Variants in ABCB10 observed in about 807,000 individuals in gnomAD.
ABCB10 encodes the protein ATP binding cassette subfamily B member 10.
A neutral mutation model predicts 65.4 loss-of-function variants in ABCB10; 54 were observed. The observed-to-expected ratio is 0.83, with a 90% CI of 0.66 to 1.04. The LOEUF is 1.04. Among genes scored for constraint, ABCB10 ranks in the 50% least tolerant of loss-of-function variants. ABCB10 has a pLI of 0.00. For synonymous variants in ABCB10, 418 were observed against 406.5 expected, an observed-to-expected ratio of 1.03 and a Z score of -0.34; for missense variants, 846 against 976.6, an observed-to-expected ratio of 0.87 and a Z score of 1.78.
At chr1:229,547,405 C>G in intron 3 of ABCB10, 94 bp downstream of exon 3, 1 of 1,441,924 alleles carries the variant, frequency 6.9e-7, no homozygotes. Context: ...CAGAATGATG[C>G]GAACCGCTCA....
Position 229,542,365 on chromosome 1 carries a change from C to G in ABCB10, c.928G>C (p.Val310Leu). Residue 310 changes from valine to leucine, a missense_variant, in exon 4 of 13, where the codon GTC becomes CTC. Physicochemically the swap from Val to Leu is conservative, Grantham distance 32. This residue lies in a region of ABCB10 where 632 missense variants were observed against 803.2 expected (regional missense o/e 0.79). Transcript: ENST00000344517. ...ASVGISMMFF[V>L]SPNLATFVLS... ...ACAAAGGTGGCCAGATTAGGTGAGACAAAAAACTGTCAAAAACAAAAAAAA... is the reference window on the plus strand; with the variant it reads ...ACAAAGGTGGCCAGATTAGGTGAGAGAAAAAACTGTCAAAAACAAAAAAAA... 6.2e-7 allele frequency: 1 copy of G among 1,605,082 alleles called. No homozygotes were observed. Among genetic ancestry groups the G allele is most frequent in the Non-Finnish European group, 8.5e-7 (1 of 1,177,600 alleles).
In ABCB10 at chr1:229,527,216, C is replaced by T; in HGVS notation, c.1725+13G>A. Reference sequence around the variant, plus strand: ...AAAGAAAGTGAAATAGAAATGGAAGCCTCTCTTCTTACCTGACTCACTGTC... The same window carrying T: ...AAAGAAAGTGAAATAGAAATGGAAGTCTCTCTTCTTACCTGACTCACTGTC... On this transcript the variant is annotated intron_variant, in intron 9 of 12. Transcript: ENST00000344517. 6.2e-7 allele frequency: 1 copy of T among 1,604,538 alleles called. No individual in the cohort carries two copies. The highest frequency in any genetic ancestry group is 8.5e-7 in the Non-Finnish European group (1 of 1,176,116).
intron 6 of ABCB10, among the ~76,000 whole-genome samples, chr1:229,536,889 C>G (rs1357029969): frequency 1.3e-4 from 19 of 150,756 alleles, no homozygotes; most frequent in Non-Finnish European, 1.9e-4. Context: ...CCCAGGAGGT[C>G]AAGGCTGCCC....
chr1:229,539,387 A>G, intron 6 of ABCB10, 69 bp downstream of exon 6: 2 of 1,569,620 alleles, frequency 1.3e-6, no homozygotes, highest in Non-Finnish European at 1.7e-6. Flanking sequence ...GTGAAAGTTC[A>G]GTTTCTCTTT....
At chr1:229,557,020 G>C (rs1318949505) in intron 1 of ABCB10, among the ~76,000 whole-genome samples, 1 of 152,148 alleles carries the variant, frequency 6.6e-6, no homozygotes, top group Admixed American at 6.5e-5. Flanking sequence ...TCAACCAACT[G>C]AACAATGAAA....
chr1:229,540,828 T>C, intron 4 of ABCB10, 76 bp from the exon 5 acceptor site: 1 of 1,464,820 alleles, frequency 6.8e-7, no homozygotes, highest in Non-Finnish European at 9.1e-7. Context: ...AAATAAAATG[T>C]GGTTCTCATT....
At position 229,558,224 on chromosome 1, in the gene ABCB10, G is replaced by C. The variant is rs772907689; in HGVS notation, c.429C>G (p.Asp143Glu). Reference protein sequence around the residue: ...WRRGPAAPPGDKGRLRPAAAG... With the variant: ...WRRGPAAPPGEKGRLRPAAAG... ...CCGCTGCGGGGCGCAGCCGCCCCTTGTCCCCGGGAGGCGCCGCCGGCCCGC... is the reference window on the plus strand; with the variant it reads ...CCGCTGCGGGGCGCAGCCGCCCCTTCTCCCCGGGAGGCGCCGCCGGCCCGC... The change falls in exon 1 of 13, where the codon GAC becomes GAG. Residue 143 changes from aspartate to glutamate, a missense_variant. Transcript: ENST00000344517. The C allele has an allele frequency of 1.5e-6, 2 of 1,373,966 alleles. No individual in the cohort carries two copies. Among genetic ancestry groups the C allele is most frequent in the African/African-American group, 3.0e-5 (2 of 65,710 alleles). The allele number at this position is 1,373,966 out of a possible 1,614,324, so 85.1% of individuals were successfully genotyped here.
intron 6 of ABCB10, among the ~76,000 whole-genome samples, chr1:229,534,871 C>CAAAAAA (rs145726594): frequency 2.7e-5 from 1 of 37,298 alleles, no homozygotes; most frequent in Non-Finnish European, 4.6e-5. Flanking sequence ...GACTCCATCT[C>CAAAAAA]AAAAAAAAAA....
chr1:229,553,537 G>T (rs990624920), intron 1 of ABCB10, among the ~76,000 whole-genome samples: 2 of 152,080 alleles, frequency 1.3e-5, no homozygotes, highest in Middle Eastern at 3.2e-3. Flanking sequence ...GGGATAAAGG[G>T]CAGAGTATAG....
chr1:229,558,003 G>A, intron 1 of ABCB10, 133 bp downstream of exon 1: 5 of 990,374 alleles, frequency 5.0e-6, no homozygotes, highest in Non-Finnish European at 6.5e-6. Context: ...CCTCCTCCGG[G>A]GTTAGGAGTG....
intron 4 of ABCB10, among the ~76,000 whole-genome samples, chr1:229,541,964 C>CA (rs77020136): frequency 0.026 from 3,191 of 123,666 alleles, 115 homozygotes; most frequent in African/African-American, 0.088. Flanking sequence ...AAAAAAAAAA[C>CA]AAAAAAAAAA....
intron 3 of ABCB10, among the ~76,000 whole-genome samples, chr1:229,545,043 G>A (rs868167197): frequency 2.9e-4 from 44 of 152,282 alleles, no homozygotes; most frequent in Middle Eastern, 6.8e-3. Flanking sequence ...CTCCAGAATT[G>A]TGAGAAATAC....
chr1:229,533,319 T>A (rs1051257030), intron 6 of ABCB10, among the ~76,000 whole-genome samples: 1 of 152,132 alleles, frequency 6.6e-6, no homozygotes, highest in East Asian at 1.9e-4. Context: ...AGATGGGGTT[T>A]CACCATGTTG....
chr1:229,539,465 T>C lies in ABCB10; in HGVS notation c.1330A>G (p.Ser444Gly). 1 of 1,614,016 alleles carries C rather than the reference T, an allele frequency of 6.2e-7. No individual in the cohort carries two copies. Among genetic ancestry groups the C allele is most frequent in the East Asian group, 2.2e-5 (1 of 44,892 alleles). The change falls in exon 6 of 13, where the codon AGC becomes GGC. Residue 444 changes from serine (S) to glycine (G), a missense_variant. By Grantham distance (56) the Ser-to-Gly change is moderately conservative. This residue lies in a region of ABCB10 where 632 missense variants were observed against 803.2 expected (regional missense o/e 0.79). Transcript: ENST00000344517. ...FLMYAFWVGI[S>G]IGGLSSFYSE... is the part of the protein sequence containing the mutation. ...TATTTAAATTATTTACCTCCAATGC[T>C]TATTCCAACCCAGAAAGCATACATT...
At chr1:229,545,904 G>A (rs1662953473) in intron 3 of ABCB10, among the ~76,000 whole-genome samples, 1 of 152,202 alleles carries the variant, frequency 6.6e-6, no homozygotes, top group Admixed American at 6.5e-5. Flanking sequence ...GGGCGCAGTG[G>A]CTCACGCCAG....
intron 6 of ABCB10, 119 bp from the exon 7 acceptor site, chr1:229,531,850 C>A: frequency 2.0e-5 from 13 of 641,072 alleles, no homozygotes; most frequent in East Asian, 7.7e-5. Flanking sequence ...TTAATATTTT[C>A]AAAAAACAAC....
intron 3 of ABCB10, among the ~76,000 whole-genome samples, chr1:229,546,698 C>G (rs925690941): frequency 1.3e-5 from 2 of 151,804 alleles, no homozygotes; most frequent in African/African-American, 4.8e-5. Flanking sequence ...TAGAGAGACC[C>G]TGCCTCTACA....
At position 229,549,189 on chromosome 1, in the gene ABCB10, A is replaced by G. The variant is rs374245791; in HGVS notation, c.718+45T>C. The G allele has an allele frequency of 2.8e-5, 45 of 1,607,714 alleles. No individual in the cohort carries two copies. In the African/African-American group the frequency reaches 4.7e-4, roughly 17 times the overall value. On this transcript the variant is annotated intron_variant, in intron 2 of 12. Transcript: ENST00000344517. ...CCCGAACAAACCCACAGGACTCTACATCTTCTTCAGGATGACTCACATCCC... is the reference window on the plus strand; with the variant it reads ...CCCGAACAAACCCACAGGACTCTACGTCTTCTTCAGGATGACTCACATCCC...
intron 1 of ABCB10, 60 bp from the exon 2 acceptor site, chr1:229,549,494 A>G: frequency 6.7e-7 from 1 of 1,499,276 alleles, no homozygotes; most frequent in Middle Eastern, 1.7e-4. Flanking sequence ...TGCGGTGCTG[A>G]GTCCAGGAGG....
Sources: gnomAD v4.1 joint callset for allele counts (sites outside exome capture counted in the v4.1 genomes callset) on GRCh38, gnomAD v4.1.1 for gene constraint, gnomAD v4.1.1 regional missense constraint, MANE v1.5 for transcripts, NCBI Gene and HGNC (gene_info 2026-07-23, HGNC 2026-07-21) for gene names.